Variants in RIMS2 observed in about 807,000 individuals in gnomAD.
RIMS2 encodes the protein regulating synaptic membrane exocytosis protein 2.
RIMS2 carries 59 observed loss-of-function variants against 174.4 expected under a neutral mutation model. That is an observed-to-expected ratio of 0.34 (90% CI 0.27 to 0.42). RIMS2 has a LOEUF of 0.42. Ranked by LOEUF, RIMS2 falls within the 10% of genes least tolerant of loss-of-function variation. The pLI is 1.00. For synonymous variants in RIMS2, 606 were observed against 572.5 expected, an observed-to-expected ratio of 1.06 and a Z score of -0.84; for missense variants, 1,620 against 1,666.3, an observed-to-expected ratio of 0.97 and a Z score of 0.48.
intron 19 of RIMS2, among the ~76,000 whole-genome samples, chr8:104,214,306 C>G (rs1358060146): frequency 6.6e-6 from 1 of 152,198 alleles, no homozygotes; most frequent in Non-Finnish European, 1.5e-5. Flanking sequence ...ACGTGAGCCA[C>G]TCACCTTATT....
Position 103,969,550 on chromosome 8 carries a change from C to A in RIMS2, c.2771-5800C>A, listed in dbSNP as rs1037385634. The stretch of plus-strand genomic sequence containing the variant: ...TTTTGTCTCTGGCATTTCTTTTTAG[C>A]TCTTTCTTAGAATTTCTTTCTGCTT... On this transcript the variant is annotated intron_variant, in intron 15 of 23. Coordinates refer to ENST00000504942, the Ensembl canonical transcript of RIMS2. Among the ~76,000 whole-genome samples the A allele has an allele frequency of 2.6e-5, 4 of 152,230 alleles. No homozygotes were observed. In the East Asian group the frequency reaches 7.7e-4, roughly 29 times the overall value.
intron 19 of RIMS2, among the ~76,000 whole-genome samples, chr8:104,197,594 CTT>C (rs1563695398): frequency 6.6e-6 from 1 of 152,094 alleles, no homozygotes; most frequent in Non-Finnish European, 1.5e-5. Context: ...TTTAAACTAA[CTT>C]TTTATTTATC....
chr8:103,599,640 G>A (rs771298666), intron 1 of RIMS2, among the ~76,000 whole-genome samples: 36 of 151,428 alleles, frequency 2.4e-4, no homozygotes, highest in Non-Finnish European at 4.3e-4. Context: ...TTGTAGAGAC[G>A]AGACCTCACT....
At chr8:104,027,251 A>G (rs1334377946) in intron 19 of RIMS2, among the ~76,000 whole-genome samples, 1 of 152,210 alleles carries the variant, frequency 6.6e-6, no homozygotes, top group Non-Finnish European at 1.5e-5. Flanking sequence ...CTCCCCATTC[A>G]TAATCCATAA....
At chr8:103,591,063 G>T (rs748175502) in intron 1 of RIMS2, among the ~76,000 whole-genome samples, 5 of 150,532 alleles carry the variant, frequency 3.3e-5, no homozygotes, top group Non-Finnish European at 7.5e-5. Context: ...AGGTATAAGA[G>T]TTCTGGCCCT....
At chr8:103,814,425 A>T (rs997231727) in intron 3 of RIMS2, among the ~76,000 whole-genome samples, 7 of 150,656 alleles carry the variant, frequency 4.6e-5, no homozygotes, top group Non-Finnish European at 8.9e-5. Flanking sequence ...AAAAAAACTA[A>T]AAAAAAAAAA....
intron 15 of RIMS2, among the ~76,000 whole-genome samples, chr8:103,967,195 TTTTTTG>T (rs2092119999): frequency 1.5e-5 from 2 of 137,458 alleles, no homozygotes; most frequent in African/African-American, 5.7e-5. Context: ...TTTTTTTTTT[TTTTTTG>T]AGATAGAGTT....
intron 2 of RIMS2, among the ~76,000 whole-genome samples, chr8:103,747,249 C>G (rs1421240746): frequency 1.6e-5 from 2 of 128,430 alleles, no homozygotes; most frequent in Non-Finnish European, 3.3e-5. Context: ...CCCCTCCCCC[C>G]ACCCCACAAC....
rs200096706 is a variant in RIMS2, at chr8:103,945,749, T to TA, written c.2701+2837dup. On this transcript the variant is annotated intron_variant, in intron 14 of 23. Transcript: ENST00000504942. ...GCAGAATTCAATGCTCATTCACAAT[T>TA]AAAAAAAAAAAAAAGTGAATGGTCA... Among the ~76,000 whole-genome samples the TA allele has an allele frequency of 1.9e-3, 257 of 136,488 alleles. 1 individual carries two copies. The Middle Eastern group carries it at 0.02, about 10-fold the overall frequency. The allele number at this position is 136,488 out of a possible 152,430, so 89.5% of individuals were successfully genotyped here.
At chr8:104,160,770 A>C (rs1455881862) in intron 19 of RIMS2, among the ~76,000 whole-genome samples, 1 of 152,232 alleles carries the variant, frequency 6.6e-6, no homozygotes, top group Non-Finnish European at 1.5e-5. Flanking sequence ...GCCATGAAAG[A>C]CATAACTTGA....
chr8:103,591,925 A>G (rs1055369626), intron 1 of RIMS2, among the ~76,000 whole-genome samples: 1 of 151,184 alleles, frequency 6.6e-6, no homozygotes, highest in African/African-American at 2.4e-5. Flanking sequence ...CAGCTAGTCA[A>G]TTATTACAAA....
intron 1 of RIMS2, among the ~76,000 whole-genome samples, chr8:103,695,364 C>G (rs1460319354): frequency 6.6e-6 from 1 of 152,096 alleles, no homozygotes; most frequent in Non-Finnish European, 1.5e-5. Flanking sequence ...TTCATAAAAC[C>G]AGCATTTGGT....
chr8:103,824,802 G>T (rs548557936), intron 3 of RIMS2, among the ~76,000 whole-genome samples: 8 of 152,208 alleles, frequency 5.3e-5, no homozygotes, highest in East Asian at 3.9e-4. Context: ...TTAAACTCAG[G>T]ACTTACGGTT....
chr8:104,111,059 G>T (rs1322654285), intron 19 of RIMS2, among the ~76,000 whole-genome samples: 1 of 152,000 alleles, frequency 6.6e-6, no homozygotes, highest in Non-Finnish European at 1.5e-5. Flanking sequence ...ATATGGGGTT[G>T]TCTAGAAAAA....
intron 19 of RIMS2, chr8:104,094,764 T>G (rs2097727079): frequency 6.5e-6 from 4 of 616,360 alleles, no homozygotes; most frequent in Non-Finnish European, 8.6e-6. Flanking sequence ...TTCCCATTAG[T>G]AATGTAGTCT....
intron 2 of RIMS2, among the ~76,000 whole-genome samples, chr8:103,754,201 A>T (rs2097941665): frequency 6.6e-6 from 1 of 152,170 alleles, no homozygotes; most frequent in South Asian, 2.1e-4. Context: ...GTAGTCATTC[A>T]GGAGCAGGTT....
At chr8:103,883,663 A>G (rs948600373) in intron 3 of RIMS2, among the ~76,000 whole-genome samples, 3 of 151,862 alleles carry the variant, frequency 2.0e-5, no homozygotes, top group Non-Finnish European at 4.4e-5. Flanking sequence ...CACTTTCTAC[A>G]GTACTTATTC....
At chr8:104,234,190 C>T (rs2099246670) in intron 19 of RIMS2, among the ~76,000 whole-genome samples, 1 of 152,056 alleles carries the variant, frequency 6.6e-6, no homozygotes. Context: ...GAACTCTGAC[C>T]TACAGAAAGA....
At chr8:104,213,237 G>C (rs1037749447) in intron 19 of RIMS2, among the ~76,000 whole-genome samples, 1 of 152,008 alleles carries the variant, frequency 6.6e-6, no homozygotes, top group South Asian at 2.1e-4. Context: ...GCCCGAACTG[G>C]AAGGCAGAGG....
Sources: allele counts gnomAD v4.1 joint callset (sites outside exome capture counted in the v4.1 genomes callset), GRCh38; gene constraint gnomAD v4.1.1; transcripts MANE v1.5; gene names NCBI Gene and HGNC (gene_info 2026-07-23, HGNC 2026-07-21).